Variants in TTI1 observed in about 807,000 individuals in gnomAD.
The protein encoded by TTI1 is TELO2-interacting protein 1 homolog.
TTI1 carries 52 observed loss-of-function variants against 85.4 expected under a neutral mutation model. That is an observed-to-expected ratio of 0.61 (90% CI 0.49 to 0.77). TTI1 has a LOEUF of 0.77. Among genes scored for constraint, TTI1 ranks in the 30% least tolerant of loss-of-function variants. TTI1 has a pLI of 0.00. For synonymous variants in TTI1, 512 were observed against 503.9 expected, an observed-to-expected ratio of 1.02 and a Z score of -0.22; for missense variants, 1,173 against 1,296.0, an observed-to-expected ratio of 0.91 and a Z score of 1.46.
chr20:37,998,599 T>C (rs192680134), intron 5 of TTI1, among the ~76,000 whole-genome samples: 69 of 152,298 alleles, frequency 4.5e-4, no homozygotes, highest in African/African-American at 1.4e-3. Context: ...ACCTTACATA[T>C]ATATAGGACT....
intron 2 of TTI1, among the ~76,000 whole-genome samples, chr20:38,010,788 C>T (rs1328618953): frequency 6.6e-6 from 1 of 152,120 alleles, no homozygotes; most frequent in East Asian, 1.9e-4. Context: ...TTTTGCCATT[C>T]TAATAGTGGC....
At chr20:37,986,787 T>C (rs544838414) in intron 7 of TTI1, among the ~76,000 whole-genome samples, 1 of 152,330 alleles carries the variant, frequency 6.6e-6, no homozygotes, top group South Asian at 2.1e-4. Context: ...TGAGGCATAA[T>C]TAACACCACC....
At position 38,012,932 on chromosome 20, in the gene TTI1, A is replaced by G; in HGVS notation, c.885T>C (p.Ile295=). The part of the protein sequence containing the change: ...DKLTILIKKI[I]ECVSVHPHWK... ...AGTGTGGGTGAACAGAAACACACTC[A>G]ATTATCTTTTTAATAAGGATAGTCA... Residue 295 remains isoleucine, a synonymous_variant, in exon 2 of 8, where the codon ATT becomes ATC. Coordinates refer to ENST00000373447, the MANE Select transcript of TTI1 (RefSeq NM_001303457.2). The G allele has an allele frequency of 6.2e-7, 1 of 1,614,136 alleles. No individual in the cohort carries two copies. Among genetic ancestry groups the G allele is most frequent in the Non-Finnish European group, 8.5e-7 (1 of 1,180,018 alleles).
chr20:38,023,262 A>G (rs1294623639), intron 1 of TTI1, among the ~76,000 whole-genome samples: 1 of 152,196 alleles, frequency 6.6e-6, no homozygotes, highest in East Asian at 1.9e-4. Flanking sequence ...CAAAGGCTGT[A>G]TGTACTCTTT....
At chr20:37,986,258 G>A (rs1015328103) in intron 7 of TTI1, among the ~76,000 whole-genome samples, 2 of 152,184 alleles carry the variant, frequency 1.3e-5, no homozygotes, top group African/African-American at 4.8e-5. Context: ...GCGGTGCCAC[G>A]ACCCAGTTCA....
At chr20:38,032,281 C>T (rs1179885216) in intron 1 of TTI1, among the ~76,000 whole-genome samples, 1 of 152,218 alleles carries the variant, frequency 6.6e-6, no homozygotes, top group Non-Finnish European at 1.5e-5. Context: ...TAACCTCTCA[C>T]TGCGTTAGCT....
intron 1 of TTI1, among the ~76,000 whole-genome samples, chr20:38,028,424 T>G (rs973092045): frequency 1.3e-5 from 2 of 152,174 alleles, no homozygotes; most frequent in African/African-American, 4.8e-5. Flanking sequence ...GAAAAAAAAT[T>G]ACCAGAGACA....
intron 7 of TTI1, among the ~76,000 whole-genome samples, chr20:37,993,606 C>A (rs1055270998): frequency 6.6e-6 from 1 of 152,192 alleles, no homozygotes; most frequent in Non-Finnish European, 1.5e-5. Context: ...CATGGCTGTT[C>A]TACAGGGCTG....
At chr20:37,994,591 C>T (rs1338111110) in intron 7 of TTI1, among the ~76,000 whole-genome samples, 1 of 151,890 alleles carries the variant, frequency 6.6e-6, no homozygotes, top group East Asian at 1.9e-4. Context: ...GCCAAATCAG[C>T]TCTTGATCAA....
Position 38,012,320 on chromosome 20 carries a change from C to T in TTI1, c.1497G>A (p.Gly499=), listed in dbSNP as rs1169703188. The T allele has an allele frequency of 6.2e-7, 1 of 1,614,166 alleles. No individual in the cohort carries two copies. Among genetic ancestry groups the T allele is most frequent in the East Asian group, 2.2e-5 (1 of 44,880 alleles). Residue 499 remains glycine, a synonymous_variant, in exon 2 of 8, where the codon GGG becomes GGA. Coordinates refer to ENST00000373447, the MANE Select transcript of TTI1 (RefSeq NM_001303457.2). The part of the protein sequence containing the change: ...RQVCQLLGYY[G]NLYLLVDHFM... ...AGTGATCCACAAGCAAATAAAGATT[C>T]CCATAATAACCAAGTAGCTGACAAA...
At chr20:38,004,628 CT>C (rs2073471982) in intron 3 of TTI1, among the ~76,000 whole-genome samples, 1 of 152,178 alleles carries the variant, frequency 6.6e-6, no homozygotes, top group Non-Finnish European at 1.5e-5. Flanking sequence ...TAGGCCTGTG[CT>C]TTTTTCCCCA....
At chr20:37,984,992 T>C (rs929353836) in intron 7 of TTI1, among the ~76,000 whole-genome samples, 3 of 152,226 alleles carry the variant, frequency 2.0e-5, no homozygotes, top group African/African-American at 4.8e-5. Flanking sequence ...CAACCCTCTC[T>C]AGAATATTTA....
chr20:38,026,470 T>C (rs2073837790), intron 1 of TTI1, among the ~76,000 whole-genome samples: 1 of 152,142 alleles, frequency 6.6e-6, no homozygotes, highest in South Asian at 2.1e-4. Context: ...GAGAAAACAA[T>C]TCTAATGACA....
intron 4 of TTI1, among the ~76,000 whole-genome samples, chr20:38,002,123 AC>A (rs973232690): frequency 7.3e-5 from 11 of 151,358 alleles, no homozygotes; most frequent in Admixed American, 5.9e-4. Context: ...CCCCACTTCT[AC>A]CCCACCCCAC....
chr20:38,007,469 T>G (rs1444580700), intron 2 of TTI1, among the ~76,000 whole-genome samples: 1 of 152,170 alleles, frequency 6.6e-6, no homozygotes, highest in Non-Finnish European at 1.5e-5. Flanking sequence ...GACGGTGGGC[T>G]ACAGGCATGG....
chr20:38,013,279 C>T lies in TTI1; in HGVS notation c.538G>A (p.Val180Ile). The stretch of plus-strand genomic sequence containing the variant: ...TGACAATCACACTGCAAGAGTAGAA[C>T]CTGTAAACATTTTAAGGCAGCAATT... Reference protein sequence around the residue: ...IKIAALKCLQVLLLQCDCQDH... With the variant: ...IKIAALKCLQILLLQCDCQDH... The change falls in exon 2 of 8, where the codon GTT (valine) becomes ATT (isoleucine). Residue 180 changes from valine to isoleucine, a missense_variant. By Grantham distance (29) the Val-to-Ile change is conservative. Coordinates refer to ENST00000373447, the MANE Select transcript of TTI1 (RefSeq NM_001303457.2). The T allele has an allele frequency of 6.2e-7, 1 of 1,614,046 alleles. No individual in the cohort carries two copies. Among genetic ancestry groups the T allele is most frequent in the East Asian group, 2.2e-5 (1 of 44,882 alleles).
chr20:38,006,115 C>T, intron 3 of TTI1, 82 bp downstream of exon 3: 1 of 1,511,904 alleles, frequency 6.6e-7, no homozygotes, highest in Non-Finnish European at 9.1e-7. Flanking sequence ...TATTTCTACC[C>T]TTTCTGTAAT....
At chr20:38,006,581 TTTTCCTG>T (rs1422483843) in intron 2 of TTI1, among the ~76,000 whole-genome samples, 184 bp from the exon 3 acceptor site, 1 of 152,212 alleles carries the variant, frequency 6.6e-6, no homozygotes, top group Non-Finnish European at 1.5e-5. Context: ...GCGGCAAGCA[TTTTCCTG>T]TTTCAGAACT....
intron 1 of TTI1, among the ~76,000 whole-genome samples, chr20:38,015,772 A>G (rs1274891661): frequency 6.6e-6 from 1 of 152,170 alleles, no homozygotes; most frequent in Non-Finnish European, 1.5e-5. Context: ...AATTGCCAAA[A>G]CCCAATTAGT....
Sources: gnomAD v4.1 joint callset for allele counts (sites outside exome capture counted in the v4.1 genomes callset) on GRCh38, gnomAD v4.1.1 for gene constraint, MANE v1.5 for transcripts, NCBI Gene and HGNC (gene_info 2026-07-23, HGNC 2026-07-21) for gene names.